ATP2C1: variants seen among roughly 807,000 people sequenced by gnomAD.
ATP2C1 encodes ATPase secretory pathway Ca2+ transporting 1.
In ATP2C1, 31 loss-of-function variants were observed where a neutral mutation model predicts 120.5. That is an observed-to-expected ratio of 0.26 (90% confidence interval 0.19 to 0.35). The LOEUF is 0.35. ATP2C1 is among the 10% of genes least tolerant of loss of function. ATP2C1 has a pLI of 1.00. For synonymous variants in ATP2C1, 351 were observed against 358.7 expected (o/e 0.98, Z 0.24); for missense variants, 731 against 1,107.5 (o/e 0.66, Z 4.83).
chr3:130,879,810 A>T (rs1358736103), intron 1 of ATP2C1, among the ~76,000 whole-genome samples: 1 of 152,224 alleles, frequency 6.6e-6, no homozygotes, highest in Non-Finnish European at 1.5e-5. Context: ...GCTGTCATCA[A>T]CATCAGTGGT....
chr3:131,013,962 G>A, intron 26 of ATP2C1: 1 of 865,776 alleles, frequency 1.2e-6, no homozygotes, highest in Non-Finnish European at 1.8e-6. Context: ...TAACAGGTCA[G>A]TCCTAAAGAA....
intron 1 of ATP2C1, among the ~76,000 whole-genome samples, chr3:130,883,945 C>CTTTTTTTT (rs35365168): frequency 2.5e-5 from 3 of 122,432 alleles, no homozygotes; most frequent in East Asian, 2.3e-4. Context: ...TTCTTTTCTT[C>CTTTTTTTT]TTTTTTTTTT....
chr3:130,876,358 C>A (rs1364699159), intron 1 of ATP2C1, among the ~76,000 whole-genome samples: 1 of 152,030 alleles, frequency 6.6e-6, no homozygotes, highest in Non-Finnish European at 1.5e-5. Context: ...ATCCAGTTTT[C>A]CCAACACCAT....
At chr3:130,912,457 C>A (rs1576679287) in intron 2 of ATP2C1, among the ~76,000 whole-genome samples, 2 of 150,636 alleles carry the variant, frequency 1.3e-5, no homozygotes, top group African/African-American at 4.9e-5. Flanking sequence ...TGAACAGACA[C>A]TTCTCAAAAG....
chr3:130,863,965 T>TGGG (rs2068091891), intron 1 of ATP2C1, among the ~76,000 whole-genome samples: 1 of 151,990 alleles, frequency 6.6e-6, no homozygotes, highest in Non-Finnish European at 1.5e-5. Context: ...ACCAGTAGAG[T>TGGG]GGGGTGTTGC....
chr3:130,941,503 TC>T, intron 7 of ATP2C1, 87 bp from the exon 8 acceptor site: 1 of 1,077,580 alleles, frequency 9.3e-7, no homozygotes, highest in Non-Finnish European at 1.4e-6. Context: ...TGCCTTTTCC[TC>T]AGACAAGCCT....
At chr3:130,921,228 CCT>C (rs1559925447) in intron 2 of ATP2C1, among the ~76,000 whole-genome samples, 1 of 103,190 alleles carries the variant, frequency 9.7e-6, no homozygotes, top group Non-Finnish European at 2.3e-5. Context: ...ATTATAGGTG[CCT>C]GCCACCACAC....
In ATP2C1 at chr3:130,965,158, G is replaced by A. The variant is rs2060996916; in HGVS notation, c.1122+113G>A. The A allele has an allele frequency of 5.5e-6, 4 of 732,698 alleles. No homozygotes were observed. In the South Asian group the frequency reaches 6.0e-5, roughly 11 times the overall value. The allele number at this position is 732,698 out of a possible 1,614,324, so 45.4% of individuals were successfully genotyped here. A position where few individuals can be genotyped will look rare whatever the true frequency, so the allele number is the denominator to read the frequency against. On this transcript the variant is annotated intron_variant, in intron 14 of 27. Transcript: ENST00000510168. ...CCTTCAAAAGGGCTGTAAATTAGTA[G>A]TGGAGTTATTTTCTCTCTCTGTGAT...
chr3:131,012,079 G>T (rs188198373), intron 26 of ATP2C1, among the ~76,000 whole-genome samples: 1 of 152,220 alleles, frequency 6.6e-6, no homozygotes, highest in Non-Finnish European at 1.5e-5. Context: ...GCTGGAGGAG[G>T]ACACTTTTAA....
chr3:130,953,708 G>T, intron 8 of ATP2C1, 113 bp from the exon 9 acceptor site: 1 of 1,062,932 alleles, frequency 9.4e-7, no homozygotes. Flanking sequence ...GATACAAGAT[G>T]TGGCTAATCA....
Position 130,969,350 on chromosome 3 carries a change from C to A in ATP2C1, c.1367C>A (p.Ser456Tyr). ...AGAAAAGCTGAATACCCTTTTAGCT[C>A]TGAGCAAAAGTGGATGGCTGTTAAG... ...YIRKAEYPFSSEQKWMAVKCV... is the reference protein window; with the variant it reads ...YIRKAEYPFSYEQKWMAVKCV... The change falls in exon 17 of 28, where the codon TCT becomes TAT. Residue 456 changes from serine to tyrosine, a missense_variant. Ser to Tyr is a moderately radical substitution (Grantham distance 144, BLOSUM62 -2). Around this residue, in one of 3 missense-constraint regions of ATP2C1, gnomAD observed 571 missense variants for 845.9 expected, o/e 0.67. Transcript: ENST00000510168. The A allele has an allele frequency of 2.5e-6, 4 of 1,613,938 alleles. No homozygotes were observed. Among genetic ancestry groups the A allele is most frequent in the Non-Finnish European group, 3.4e-6 (4 of 1,179,892 alleles).
At chr3:130,963,899 A>G (rs1441031602) in intron 12 of ATP2C1, 72 bp from the exon 13 acceptor site, 8 of 1,591,706 alleles carry the variant, frequency 5.0e-6, no homozygotes, top group Non-Finnish European at 5.2e-6. Flanking sequence ...AGCTTTAAGT[A>G]ACATCCAATT....
intron 1 of ATP2C1, among the ~76,000 whole-genome samples, chr3:130,860,933 C>G (rs2067994236): frequency 6.6e-6 from 1 of 152,094 alleles, no homozygotes; most frequent in South Asian, 2.1e-4. Flanking sequence ...AAAGTTTATT[C>G]AATTTGGGAG....
chr3:130,994,020 C>T lies in ATP2C1; in HGVS notation c.1979C>T (p.Ala660Val), dbSNP rs2062480940. The T allele has an allele frequency of 2.5e-6, 4 of 1,614,032 alleles. No individual in the cohort carries two copies. The highest frequency in any genetic ancestry group is 3.4e-6 in the Non-Finnish European group (4 of 1,179,996). The part of the protein sequence containing the change: ...VALKAADIGV[A>V]MGQTGTDVCK... ...CTGAAGGCTGCAGACATTGGAGTTG[C>T]GATGGGCCAGACTGGTACAGATGTT... is the stretch of plus-strand genomic sequence containing the variant. Residue 660 changes from alanine (A) to valine (V), a missense_variant, in exon 22 of 28, where the codon GCG becomes GTG. By Grantham distance (64) the Ala-to-Val change is moderately conservative. This residue lies in a region of ATP2C1 where 571 missense variants were observed against 845.9 expected (regional missense o/e 0.67). Coordinates refer to ENST00000510168, the MANE Select transcript of ATP2C1 (RefSeq NM_001378687.1).
At position 130,940,970 on chromosome 3, in the gene ATP2C1, A is replaced by G. The variant is rs181905350; in HGVS notation, c.422+279A>G. On this transcript the variant is annotated intron_variant, in intron 7 of 27. Transcript: ENST00000510168. Reference sequence around the variant, plus strand: ...GGCTCTGTCACCCAGGCTGGAGTGCAGTGGCACAATCTCGGCTCACTGCAA... The same window carrying G: ...GGCTCTGTCACCCAGGCTGGAGTGCGGTGGCACAATCTCGGCTCACTGCAA... Among the ~76,000 whole-genome samples the G allele has an allele frequency of 5.0e-3, 644 of 127,610 alleles. 5 individuals carry two copies. Among genetic ancestry groups the G allele is most frequent in the African/African-American group, 0.018 (586 of 33,122 alleles). The allele number at this position is 127,610 out of a possible 152,430, so 83.7% of individuals were successfully genotyped here.
rs753952812 is a variant in ATP2C1 at position 130,964,115 on chromosome 3, A to T, written c.1024+20A>T. ...CTCTGGGTAAGTCTGTGTTAAGAGC[A>T]TTCTTATGCAATGATGCGTAAGTTT... On this transcript the variant is annotated intron_variant, in intron 13 of 27. Coordinates refer to ENST00000510168, the MANE Select transcript of ATP2C1 (RefSeq NM_001378687.1). 6.2e-7 allele frequency: 1 copy of T among 1,611,640 alleles called. No homozygotes were observed. The highest frequency in any genetic ancestry group is 1.1e-5 in the South Asian group (1 of 91,036).
chr3:130,965,706 C>A (rs1176218551), intron 14 of ATP2C1, among the ~76,000 whole-genome samples: 2 of 152,068 alleles, frequency 1.3e-5, no homozygotes, highest in South Asian at 4.1e-4. Flanking sequence ...TAGTCTAATG[C>A]CTCTTCATCC....
chr3:130,951,033 G>A (rs1410402875), intron 8 of ATP2C1, among the ~76,000 whole-genome samples: 6 of 152,102 alleles, frequency 3.9e-5, no homozygotes, highest in Non-Finnish European at 7.4e-5. Flanking sequence ...TTAAATATTA[G>A]TGGGTCTCTT....
At chr3:130,904,879 T>C (rs2058053498) in intron 2 of ATP2C1, among the ~76,000 whole-genome samples, 1 of 152,120 alleles carries the variant, frequency 6.6e-6, no homozygotes, top group African/African-American at 2.4e-5. Flanking sequence ...TTAATTTATT[T>C]ACATGGCTTT....
Sources: allele counts gnomAD v4.1 joint callset (sites outside exome capture counted in the v4.1 genomes callset), GRCh38; gene constraint gnomAD v4.1.1; regional missense constraint gnomAD v4.1.1; transcripts MANE v1.5; gene names NCBI Gene and HGNC (gene_info 2026-07-23, HGNC 2026-07-21).